COBL: variants seen among roughly 807,000 people sequenced by gnomAD.
The protein encoded by COBL is cordon-bleu WH2 repeat protein, also known as protein cordon-bleu.
Under a neutral mutation model 98.8 loss-of-function variants are expected in COBL, and 51 were observed. The ratio of observed to expected loss-of-function variants is 0.52; its 90% confidence interval spans 0.41 to 0.65. COBL has a LOEUF of 0.65. Among genes scored for constraint, COBL ranks in the 30% least tolerant of loss-of-function variants. The pLI, the probability that COBL is intolerant of heterozygous loss-of-function variation, is 0.00. For missense variants in COBL, 1,617 were observed against 1,617.5 expected (o/e 1.00, Z 0.01); for synonymous variants, 634 against 651.7 (o/e 0.97, Z 0.41).
intron 1 of COBL, among the ~76,000 whole-genome samples, chr7:51,264,514 T>C (rs1798003430): frequency 6.6e-6 from 1 of 151,106 alleles, no homozygotes; most frequent in African/African-American, 2.4e-5. Flanking sequence ...CTACTAAAAA[T>C]ACAAAAATTA....
intron 1 of COBL, among the ~76,000 whole-genome samples, chr7:51,225,436 G>A (rs888760043): frequency 6.6e-6 from 1 of 152,042 alleles, no homozygotes; most frequent in Non-Finnish European, 1.5e-5. Flanking sequence ...AGGTGCTCCC[G>A]GCTGGCAGTG....
At chr7:51,114,370 G>GA (rs34595332) in intron 6 of COBL, among the ~76,000 whole-genome samples, 60,219 of 143,522 alleles carry the variant, frequency 0.42, 12,181 homozygotes, top group East Asian at 0.58. Context: ...ACGTACTCCA[G>GA]AAAAAAAAAA....
chr7:51,273,441 A>G (rs1798975147), intron 1 of COBL, among the ~76,000 whole-genome samples: 2 of 152,254 alleles, frequency 1.3e-5, no homozygotes, highest in Non-Finnish European at 2.9e-5. Context: ...ATGTGTGGTG[A>G]ACAGTAGCTA....
At chr7:51,213,985 T>G (rs1331413367) in intron 2 of COBL, among the ~76,000 whole-genome samples, 1 of 152,054 alleles carries the variant, frequency 6.6e-6, no homozygotes, top group South Asian at 2.1e-4. Context: ...CAATGCTGGC[T>G]GTGGGCACGG....
chr7:51,154,489 T>C (rs1313136297), intron 5 of COBL, among the ~76,000 whole-genome samples: 1 of 152,226 alleles, frequency 6.6e-6, no homozygotes, highest in Non-Finnish European at 1.5e-5. Context: ...GGCATGACTG[T>C]ACTTCAATAA....
chr7:51,128,127 T>C (rs1323705362), intron 6 of COBL, among the ~76,000 whole-genome samples: 1 of 152,218 alleles, frequency 6.6e-6, no homozygotes, highest in African/African-American at 2.4e-5. Context: ...AGGTTTTTAT[T>C]CATCCCATAC....
chr7:51,282,286 C>A lies in COBL; in HGVS notation c.41+34307G>T, dbSNP rs946011440. Among the ~76,000 whole-genome samples, 3 of 151,840 alleles carry A rather than the reference C, an allele frequency of 2.0e-5. No individual in the cohort carries two copies. In the South Asian group the frequency reaches 6.2e-4, roughly 32 times the overall value. ...TTTAATGTAAATGGTCTAAACAATC[C>A]AACTAAAAGACAGATATTATTTAAC... On this transcript the variant is annotated intron_variant, in intron 1 of 12. Transcript: ENST00000265136.
intron 6 of COBL, among the ~76,000 whole-genome samples, chr7:51,089,567 T>G (rs529934210): frequency 6.6e-6 from 1 of 152,290 alleles, no homozygotes; most frequent in Admixed American, 6.5e-5. Flanking sequence ...TACTGAAAAC[T>G]GTCATCAGTG....
chr7:51,309,936 C>A (rs1802854920), intron 1 of COBL, among the ~76,000 whole-genome samples: 1 of 152,132 alleles, frequency 6.6e-6, no homozygotes, highest in Admixed American at 6.5e-5. Flanking sequence ...TGGGGGAGCC[C>A]CAGCTGCAGC....
rs953811880 is a variant in COBL, at chr7:51,273,327, C to CAA, written c.41+43264_41+43265dup. ...TGGGCAACAGAATAAGACTCCATCT[C>CAA]AAAAAAAAAAAAAAAAAAAGAAAAA... On this transcript the variant is annotated intron_variant, in intron 1 of 12. Transcript: ENST00000265136. Among the ~76,000 whole-genome samples the CAA allele has an allele frequency of 7.4e-3, 440 of 59,438 alleles. 5 individuals are homozygous for CAA. Among genetic ancestry groups the CAA allele is most frequent in the African/African-American group, 0.018 (368 of 20,258 alleles). The allele number at this position is 59,438 out of a possible 152,430, so 39.0% of individuals were successfully genotyped here.
chr7:51,220,082 C>T, intron 1 of COBL, 138 bp from the exon 2 acceptor site: 1 of 703,602 alleles, frequency 1.4e-6, no homozygotes, highest in Non-Finnish European at 2.4e-6. Context: ...ATCAATGTCC[C>T]CCAAACAAGT....
chr7:51,288,930 T>A (rs1365137004), intron 1 of COBL, among the ~76,000 whole-genome samples: 1 of 152,184 alleles, frequency 6.6e-6, no homozygotes, highest in African/African-American at 2.4e-5. Context: ...AAGAACAATA[T>A]AAGAAGTCAT....
intron 12 of COBL, 92 bp from the exon 13 acceptor site, chr7:51,017,660 C>G (rs1786404949): frequency 8.4e-6 from 11 of 1,312,126 alleles, no homozygotes; most frequent in Non-Finnish European, 1.2e-5. Flanking sequence ...CACAGCCACT[C>G]TTGCAATAGT....
chr7:51,108,932 ACACACACACACACACACACACACACC>A (rs1464949232), intron 6 of COBL, among the ~76,000 whole-genome samples: 304 of 100,964 alleles, frequency 3.0e-3, no homozygotes, highest in African/African-American at 0.011. Flanking sequence ...ACACACACAC[ACACACACACACACACACACACACACC>A]CCCTGCCCCA....
At chr7:51,262,215 G>C (rs567851034) in intron 1 of COBL, among the ~76,000 whole-genome samples, 6 of 152,178 alleles carry the variant, frequency 3.9e-5, no homozygotes. Flanking sequence ...CCACATCCTC[G>C]AGAACACAAG....
intron 7 of COBL, among the ~76,000 whole-genome samples, chr7:51,078,594 A>G (rs1793314384): frequency 6.6e-6 from 1 of 152,236 alleles, no homozygotes; most frequent in African/African-American, 2.4e-5. Flanking sequence ...AGAACAAATT[A>G]TCCTAAAATG....
intron 1 of COBL, among the ~76,000 whole-genome samples, chr7:51,272,205 C>T (rs984670691): frequency 2.0e-5 from 3 of 152,202 alleles, no homozygotes; most frequent in African/African-American, 7.2e-5. Context: ...ATGGTTTCTA[C>T]TATTGCATGC....
At chr7:51,049,296 C>T (rs1790013323) in intron 7 of COBL, among the ~76,000 whole-genome samples, 1 of 152,254 alleles carries the variant, frequency 6.6e-6, no homozygotes, top group African/African-American at 2.4e-5. Context: ...CAGGAAAGTG[C>T]ACCCCAGTGA....
chr7:51,112,952 C>T (rs1445393242), intron 6 of COBL, among the ~76,000 whole-genome samples: 1 of 152,186 alleles, frequency 6.6e-6, no homozygotes, highest in Non-Finnish European at 1.5e-5. Context: ...ACTCCTACAA[C>T]CGAAAATAAA....
Sources: allele counts gnomAD v4.1 joint callset (sites outside exome capture counted in the v4.1 genomes callset), GRCh38; gene constraint gnomAD v4.1.1; transcripts MANE v1.5; gene names NCBI Gene and HGNC (gene_info 2026-07-23, HGNC 2026-07-21).